EPB41L4B: variants seen among roughly 807,000 people sequenced by gnomAD.
EPB41L4B encodes the protein erythrocyte membrane protein band 4.1 like 4B.
Under a neutral mutation model 112.5 loss-of-function variants are expected in EPB41L4B, and 30 were observed. The observed-to-expected ratio is 0.27, with a 90% CI of 0.20 to 0.36. EPB41L4B has a LOEUF of 0.36. Among genes scored for constraint, EPB41L4B ranks in the 10% least tolerant of loss-of-function variants. The probability of loss-of-function intolerance (pLI) is 1.00; values close to 1 mark genes in which losing one functional copy is unlikely to be tolerated. For synonymous variants in EPB41L4B, 408 were observed against 439.7 expected (o/e 0.93, Z 0.90); for missense variants, 1,024 against 1,133.3 (o/e 0.90, Z 1.38).
chr9:109,237,708 G>A (rs114747023), intron 15 of EPB41L4B, among the ~76,000 whole-genome samples: 113 of 152,184 alleles, frequency 7.4e-4, no homozygotes, highest in African/African-American at 2.6e-3. Context: ...AGTAAACAGC[G>A]TTATTAGATC....
In EPB41L4B at chr9:109,213,751, T is replaced by C. The variant is rs531207309; in HGVS notation, c.1701A>G (p.Glu567=). The C allele has an allele frequency of 3.7e-5, 59 of 1,614,180 alleles. No homozygotes were observed. The Admixed American group carries it at 5.5e-4, about 15-fold the overall frequency. ...GCCAGGGTCCAGCAGCCTTCACAGT[T>C]TCCAGTTCCAGCTTCTTTAGATGGG... ...AAAHLKKLEL[E]TVKAAGPWPP... The change falls in exon 17 of 26, where the codon GAA becomes GAG. Residue 567 remains glutamate, a synonymous_variant. Coordinates refer to ENST00000374566, the MANE Select transcript of EPB41L4B (RefSeq NM_019114.5).
At chr9:109,298,779 T>TAACCCCAATTTTCTCC (rs1836838689) in intron 1 of EPB41L4B, among the ~76,000 whole-genome samples, 1 of 152,298 alleles carries the variant, frequency 6.6e-6, no homozygotes, top group East Asian at 1.9e-4. Context: ...CAATTTTCGC[T>TAACCCCAATTTTCTCC]AACCCCAATT....
intron 4 of EPB41L4B, among the ~76,000 whole-genome samples, chr9:109,267,211 C>G (rs1484557570): frequency 6.6e-6 from 1 of 152,132 alleles, no homozygotes; most frequent in Non-Finnish European, 1.5e-5. Flanking sequence ...GCAGAGCAAC[C>G]AATTAATTTA....
chr9:109,281,496 A>G (rs924032723), intron 1 of EPB41L4B, among the ~76,000 whole-genome samples: 2 of 152,150 alleles, frequency 1.3e-5, no homozygotes, highest in African/African-American at 4.8e-5. Context: ...TGAGATCAGG[A>G]GTTCAAGACC....
At chr9:109,292,317 C>T (rs1471065077) in intron 1 of EPB41L4B, among the ~76,000 whole-genome samples, 2 of 152,232 alleles carry the variant, frequency 1.3e-5, no homozygotes, top group Non-Finnish European at 2.9e-5. Flanking sequence ...TACTAGCAGA[C>T]ACACTGGCTA....
intron 25 of EPB41L4B, 36 bp from the exon 26 acceptor site, chr9:109,174,659 C>A (rs202078879): frequency 2.5e-6 from 4 of 1,592,180 alleles, no homozygotes; most frequent in Non-Finnish European, 3.4e-6. Context: ...GTGAGACAAT[C>A]CCTCAAAAAT....
intron 1 of EPB41L4B, among the ~76,000 whole-genome samples, chr9:109,293,240 T>C (rs962571920): frequency 4.6e-5 from 7 of 152,252 alleles, no homozygotes; most frequent in African/African-American, 1.4e-4. Context: ...CATGGTATTG[T>C]ATGCGTACAT....
intron 14 of EPB41L4B, among the ~76,000 whole-genome samples, chr9:109,245,559 C>T (rs151243989): frequency 1.3e-5 from 2 of 152,322 alleles, no homozygotes; most frequent in African/African-American, 4.8e-5. Context: ...GCTAATCATC[C>T]TGCAATTCCA....
At chr9:109,195,007 A>T (rs1245870520) in intron 20 of EPB41L4B, among the ~76,000 whole-genome samples, 1 of 152,224 alleles carries the variant, frequency 6.6e-6, no homozygotes, top group Non-Finnish European at 1.5e-5. Context: ...CATTATATGG[A>T]TATACCACAT....
chr9:109,229,301 T>C (rs1489439368), intron 15 of EPB41L4B, among the ~76,000 whole-genome samples: 3 of 152,224 alleles, frequency 2.0e-5, no homozygotes, highest in Non-Finnish European at 4.4e-5. Context: ...TCATCAGCCA[T>C]GCAGGCCAAG....
intron 1 of EPB41L4B, among the ~76,000 whole-genome samples, chr9:109,292,687 G>A (rs1836577431): frequency 6.6e-6 from 1 of 152,174 alleles, no homozygotes; most frequent in Non-Finnish European, 1.5e-5. Context: ...TTTAAACTGT[G>A]GAGCTTACAA....
At chr9:109,220,107 T>C (rs1833520962) in intron 15 of EPB41L4B, among the ~76,000 whole-genome samples, 1 of 152,240 alleles carries the variant, frequency 6.6e-6, no homozygotes, top group Non-Finnish European at 1.5e-5. Flanking sequence ...CTTTATTTAT[T>C]TATTGCTTGA....
In EPB41L4B at chr9:109,319,908, C is replaced by T. The variant is rs191791152; in HGVS notation, c.306+233G>A. On this transcript the variant is annotated intron_variant, in intron 1 of 25. Coordinates refer to ENST00000374566, the MANE Select transcript of EPB41L4B (RefSeq NM_019114.5). ...TAGGTGGGCGCCAGAGAAATCGCAA[C>T]CCCGCGGCGCAATGTGCCAAGGAGG... Among the ~76,000 whole-genome samples, 585 of 152,242 alleles carry T rather than the reference C, an allele frequency of 3.8e-3. 5 individuals are homozygous for T. The highest frequency in any genetic ancestry group is 0.013 in the African/African-American group (545 of 41,562).
intron 17 of EPB41L4B, among the ~76,000 whole-genome samples, chr9:109,211,658 T>C (rs1270631600): frequency 6.6e-6 from 1 of 151,318 alleles, no homozygotes; most frequent in Non-Finnish European, 1.5e-5. Flanking sequence ...CGGGACAAAG[T>C]CAAAATTATC....
At chr9:109,253,698 C>A (rs1163731676) in intron 11 of EPB41L4B, 148 bp from the exon 12 acceptor site, 2 of 638,040 alleles carry the variant, frequency 3.1e-6, no homozygotes, top group African/African-American at 3.7e-5. Context: ...CAAAGTTTAA[C>A]CTTCCATTTG....
rs10979741 is a variant in EPB41L4B at position 109,194,214 on chromosome 9, C to A, written c.2223+6G>T. On this transcript the variant is annotated splice_donor_region_variant and intron_variant, in intron 21 of 25. Transcript: ENST00000374566. ...CTGCTCGCCAGGGCTTTCCACCCCC[C>A]AATACCTTGGCCCCAGGGGACAGCA... The A allele has an allele frequency of 6.2e-6, 10 of 1,613,346 alleles. No individual in the cohort carries two copies. In the East Asian group the frequency reaches 1.3e-4, roughly 22 times the overall value.
intron 24 of EPB41L4B, among the ~76,000 whole-genome samples, chr9:109,179,860 T>C (rs1044755547): frequency 4.6e-5 from 7 of 152,178 alleles, no homozygotes; most frequent in Admixed American, 3.9e-4. Context: ...TAAGCCACTG[T>C]CCTGCGTTTC....
chr9:109,197,575 T>G (rs1450214588), intron 20 of EPB41L4B, among the ~76,000 whole-genome samples: 1 of 152,152 alleles, frequency 6.6e-6, no homozygotes, highest in Non-Finnish European at 1.5e-5. Flanking sequence ...GCTGCTATTG[T>G]TTGATTTTCA....
chr9:109,241,629 T>A (rs374257125), intron 15 of EPB41L4B: 1 of 1,612,556 alleles, frequency 6.2e-7, no homozygotes, highest in African/African-American at 1.3e-5. Context: ...AATGAAACTA[T>A]GAAGGTGAAT....
Sources: gnomAD v4.1 joint callset for allele counts (sites outside exome capture counted in the v4.1 genomes callset) on GRCh38, gnomAD v4.1.1 for gene constraint, MANE v1.5 for transcripts, NCBI Gene and HGNC (gene_info 2026-07-23, HGNC 2026-07-21) for gene names.